Variants in NTAQ1 observed in about 807,000 individuals in gnomAD.
NTAQ1 encodes the protein protein N-terminal glutamine amidohydrolase.
In NTAQ1, 21 loss-of-function variants were observed where a neutral mutation model predicts 28.2. The observed-to-expected ratio is 0.74, with a 90% CI of 0.53 to 1.07. The LOEUF (loss-of-function observed/expected upper bound fraction) is 1.07. Ranked by LOEUF, NTAQ1 falls within the 50% of genes least tolerant of loss-of-function variation. NTAQ1 has a pLI of 0.00. For missense variants in NTAQ1, 264 were observed against 256.6 expected (o/e 1.03, Z -0.20); for synonymous variants, 105 against 90.0 (o/e 1.17, Z -0.94).
At chr8:123,446,666 T>A (rs1480779525), downstream of NTAQ1, among the ~76,000 whole-genome samples, 1 of 152,186 alleles carries the variant, frequency 6.6e-6, no homozygotes, top group African/African-American at 2.4e-5. Context: ...GCTCCTCCAC[T>A]CATCGGAGCC....
At chr8:123,429,671 C>G (rs1814274011) in intron 2 of NTAQ1, among the ~76,000 whole-genome samples, 1 of 152,010 alleles carries the variant, frequency 6.6e-6, no homozygotes, top group African/African-American at 2.4e-5. Flanking sequence ...TCGAGACCAG[C>G]CTGGCCAACA....
At chr8:123,439,837 C>T (rs2130320156) in intron 5 of NTAQ1, among the ~76,000 whole-genome samples, 1 of 151,618 alleles carries the variant, frequency 6.6e-6, no homozygotes, top group African/African-American at 2.4e-5. Context: ...GCCTGTAATC[C>T]CAGCTACTCA....
rs560522038 is a variant in NTAQ1 at position 123,463,968 on chromosome 8, C to T, written c.373-3111C>T. Among the ~76,000 whole-genome samples the T allele has an allele frequency of 1.1e-4, 17 of 152,270 alleles. 1 individual carries two copies. The East Asian group carries it at 3.3e-3, about 29-fold the overall frequency. Reference sequence around the variant, plus strand: ...TTCTCATGATAGTGAATACATCTCACGAGATCTGATGGTTTTATAAAGGGG... The same window carrying T: ...TTCTCATGATAGTGAATACATCTCATGAGATCTGATGGTTTTATAAAGGGG... On this transcript the variant is annotated intron_variant, in intron 6 of 6. Coordinates refer to the NTAQ1 transcript ENST00000650311.
At chr8:123,464,135 T>C (rs1815905663) in intron 6 of NTAQ1, among the ~76,000 whole-genome samples, 1 of 152,192 alleles carries the variant, frequency 6.6e-6, no homozygotes, top group East Asian at 1.9e-4. Flanking sequence ...TAAATTATCC[T>C]GTCTCAGGTA....
chr8:123,436,902 C>G (rs1814751052), intron 4 of NTAQ1, among the ~76,000 whole-genome samples: 1 of 151,898 alleles, frequency 6.6e-6, no homozygotes. Flanking sequence ...GTGGGGATAC[C>G]TCGTGCTGTC....
downstream of NTAQ1, among the ~76,000 whole-genome samples, chr8:123,470,345 C>T (rs768040687): frequency 7.9e-5 from 12 of 152,308 alleles, no homozygotes; most frequent in East Asian, 1.7e-3. Context: ...CCGTGGCCTC[C>T]GCAGTCCCTG....
At chr8:123,444,663 C>G (rs989616496), downstream of NTAQ1, among the ~76,000 whole-genome samples, 1 of 152,210 alleles carries the variant, frequency 6.6e-6, no homozygotes, top group African/African-American at 2.4e-5. Flanking sequence ...CCCACCACTA[C>G]GCCCAGCTAA....
Position 123,416,825 on chromosome 8 carries a change from C to G in NTAQ1, c.-25C>G, listed in dbSNP as rs936426317. 5 of 1,522,802 alleles carry G rather than the reference C, an allele frequency of 3.3e-6. No homozygotes were observed. The highest frequency in any genetic ancestry group is 1.7e-4 in the Middle Eastern group (1 of 5,810). The allele number at this position is 1,522,802 out of a possible 1,614,324, so 94.3% of individuals were successfully genotyped here. A position where few individuals can be genotyped will look rare whatever the true frequency, so the allele number is the denominator to read the frequency against. The stretch of plus-strand genomic sequence containing the variant: ...TGGTCCAGTCGGTCTTCCTCCGGCC[C>G]GGGCCCTGGCCCAGCTAGCCGGCCA... On this transcript the variant is annotated 5_prime_UTR_variant, in exon 1 of 6. Coordinates refer to ENST00000287387, the MANE Select transcript of NTAQ1 (RefSeq NM_018024.3).
Position 123,441,393 on chromosome 8 carries a change from G to T in NTAQ1, c.596G>T (p.Arg199Leu). The T allele has an allele frequency of 6.2e-7, 1 of 1,609,004 alleles. No individual in the cohort carries two copies. The highest frequency in any genetic ancestry group is 2.2e-5 in the East Asian group (1 of 44,492). The change falls in exon 6 of 6, where the codon CGG (arginine) becomes CTG (leucine). Residue 199 changes from arginine (R) to leucine (L), a missense_variant. Coordinates refer to ENST00000287387, the MANE Select transcript of NTAQ1 (RefSeq NM_018024.3). ...AVYTLSEFTH[R>L]FGSKNC The stretch of plus-strand genomic sequence containing the variant: ...TACACACTATCCGAATTTACACATC[G>T]GTTTGGCAGTAAAAACTGCTGAACT...
At chr8:123,467,651 C>A (rs1040025575) in exon 7 of NTAQ1, among the ~76,000 whole-genome samples, 3 of 152,166 alleles carry the variant, frequency 2.0e-5, no homozygotes, top group African/African-American at 7.2e-5. Flanking sequence ...CAGTTAGAAC[C>A]AGACCAAATC....
intron 6 of NTAQ1, chr8:123,454,975 A>C (rs1437406547): frequency 1.3e-5 from 2 of 152,266 alleles, no homozygotes; most frequent in African/African-American, 2.4e-5. Context: ...GATTAGGAAA[A>C]GGAAATCCAT....
At chr8:123,436,873 T>G (rs1814748809) in intron 4 of NTAQ1, among the ~76,000 whole-genome samples, 1 of 152,200 alleles carries the variant, frequency 6.6e-6, no homozygotes, top group South Asian at 2.1e-4. Context: ...GGGATTTTTC[T>G]TATATTCTTT....
chr8:123,429,573 A>G (rs1341217313), intron 2 of NTAQ1, among the ~76,000 whole-genome samples: 1 of 152,070 alleles, frequency 6.6e-6, no homozygotes, highest in Admixed American at 6.6e-5. Flanking sequence ...GCATCACAAG[A>G]TCCTGTCTTG....
At chr8:123,471,754 T>A (rs1187697913), downstream of NTAQ1, among the ~76,000 whole-genome samples, 2 of 152,184 alleles carry the variant, frequency 1.3e-5, no homozygotes. Flanking sequence ...CTTCAATGAT[T>A]GGATGAGGGC....
chr8:123,417,017 C>G (rs1280130572), intron 1 of NTAQ1, 85 bp downstream of exon 1: 1 of 1,299,108 alleles, frequency 7.7e-7, no homozygotes, highest in Non-Finnish European at 1.0e-6. Flanking sequence ...CCCGGCCCCT[C>G]CTCGGGGGCG....
intron 1 of NTAQ1, among the ~76,000 whole-genome samples, chr8:123,425,076 G>A (rs1813962087): frequency 6.6e-6 from 1 of 152,012 alleles, no homozygotes; most frequent in African/African-American, 2.4e-5. Context: ...TATACCATAT[G>A]TCATGTTGAA....
chr8:123,453,977 A>C (rs113270143), intron 6 of NTAQ1, among the ~76,000 whole-genome samples: 69 of 152,174 alleles, frequency 4.5e-4, no homozygotes, highest in Non-Finnish European at 7.9e-4. Context: ...ACATTCTGTA[A>C]TCAGATAATG....
intron 6 of NTAQ1, among the ~76,000 whole-genome samples, chr8:123,453,791 A>G (rs1815572732): frequency 6.6e-6 from 1 of 152,212 alleles, no homozygotes; most frequent in Non-Finnish European, 1.5e-5. Context: ...TATAAGGTAG[A>G]TACCATTATT....
intron 6 of NTAQ1, among the ~76,000 whole-genome samples, chr8:123,447,516 A>G (rs1212643874): frequency 3.3e-5 from 5 of 152,082 alleles, no homozygotes; most frequent in Non-Finnish European, 1.5e-5. Context: ...GGTTGGCACT[A>G]TTTTTAATCC....
Sources: allele counts gnomAD v4.1 joint callset (sites outside exome capture counted in the v4.1 genomes callset), GRCh38; gene constraint gnomAD v4.1.1; transcripts MANE v1.5; gene names NCBI Gene and HGNC (gene_info 2026-07-23, HGNC 2026-07-21).